SHISA6: variants seen among roughly 807,000 people sequenced by gnomAD.
SHISA6 encodes shisa family member 6.
SHISA6 carries 22 observed loss-of-function variants against 47.9 expected under a neutral mutation model. The ratio of observed to expected loss-of-function variants is 0.46; its 90% CI spans 0.33 to 0.66. The LOEUF is 0.66. Ranked by LOEUF, SHISA6 falls within the 30% of genes least tolerant of loss-of-function variation. The probability of loss-of-function intolerance (pLI) is 0.02; values close to 1 mark genes in which losing one functional copy is unlikely to be tolerated. For synonymous variants in SHISA6, 388 were observed against 337.8 expected (o/e 1.15, Z -1.63); for missense variants, 680 against 764.6 (o/e 0.89, Z 1.30).
intron 1 of SHISA6, among the ~76,000 whole-genome samples, chr17:11,255,338 G>T (rs1269666750): frequency 6.6e-6 from 1 of 152,078 alleles, no homozygotes; most frequent in African/African-American, 2.4e-5. Flanking sequence ...AAGGGAGGAG[G>T]GAGGAAAGAA....
At chr17:11,312,675 A>G (rs1411058801) in intron 2 of SHISA6, among the ~76,000 whole-genome samples, 1 of 152,200 alleles carries the variant, frequency 6.6e-6, no homozygotes, top group Non-Finnish European at 1.5e-5. Context: ...GTAATATCAT[A>G]GATGTCCTCC....
At chr17:11,324,456 A>G (rs1053005440) in intron 2 of SHISA6, among the ~76,000 whole-genome samples, 13 of 152,174 alleles carry the variant, frequency 8.5e-5, no homozygotes, top group African/African-American at 3.1e-4. Context: ...GTCAAAACAG[A>G]CAGGGCCCCT....
Position 11,309,793 on chromosome 17 carries a change from C to T in SHISA6, c.799+46267C>T, listed in dbSNP as rs139208499. Reference sequence around the variant, plus strand: ...GCTTGTTTCTCTTTTAAGGTTCTTCCTGTACAGAGAGATTTCTGTGCTTTA... The same window carrying T: ...GCTTGTTTCTCTTTTAAGGTTCTTCTTGTACAGAGAGATTTCTGTGCTTTA... On this transcript the variant is annotated intron_variant, in intron 2 of 5. Coordinates refer to ENST00000441885, the MANE Select transcript of SHISA6 (RefSeq NM_207386.4). 1.2e-4 allele frequency among the ~76,000 whole-genome samples: 19 copies of T among 152,346 alleles called. 1 individual carries two copies. In the East Asian group the frequency reaches 3.7e-3, roughly 29 times the overall value.
At chr17:11,543,910 C>CAAAAAAAAAAAAAA (rs200573876) in intron 3 of SHISA6, among the ~76,000 whole-genome samples, 4 of 96,390 alleles carry the variant, frequency 4.1e-5, no homozygotes, top group African/African-American at 1.1e-4. Flanking sequence ...TATTTATAAG[C>CAAAAAAAAAAAAAA]AAAAAAAAAA....
chr17:11,271,101 C>A, intron 2 of SHISA6, among the ~76,000 whole-genome samples: 2 of 150,928 alleles, frequency 1.3e-5, no homozygotes, highest in Middle Eastern at 3.4e-3. Flanking sequence ...AGAGAAGAGG[C>A]GGGAAGGGTG....
intron 3 of SHISA6, among the ~76,000 whole-genome samples, chr17:11,421,301 G>A (rs547183707): frequency 2.0e-5 from 3 of 152,302 alleles, no homozygotes; most frequent in Non-Finnish European, 2.9e-5. Flanking sequence ...GACAAATCCT[G>A]CAGATTCAGC....
In SHISA6 at chr17:11,300,269, G is replaced by A. The variant is rs186887581; in HGVS notation, c.799+36743G>A. Among the ~76,000 whole-genome samples, 246 of 152,188 alleles carry A rather than the reference G, an allele frequency of 1.6e-3. 1 individual carries two copies. The highest frequency in any genetic ancestry group is 5.7e-3 in the African/African-American group (236 of 41,536). On this transcript the variant is annotated intron_variant, in intron 2 of 5. Coordinates refer to ENST00000441885, the MANE Select transcript of SHISA6 (RefSeq NM_207386.4). Reference sequence around the variant, plus strand: ...CATTTTTCTGTTTACCACAATACCCGAAGCATGAGTTCCCAACCAGTGTAG... The same window carrying A: ...CATTTTTCTGTTTACCACAATACCCAAAGCATGAGTTCCCAACCAGTGTAG...
chr17:11,324,840 C>T (rs181470902), intron 2 of SHISA6, among the ~76,000 whole-genome samples: 1 of 152,246 alleles, frequency 6.6e-6, no homozygotes, highest in East Asian at 1.9e-4. Flanking sequence ...AGCTGAAACT[C>T]ACAGAGCGGT....
Position 11,242,072 on chromosome 17 carries a change from G to C in SHISA6, c.638+12G>C. 2.6e-6 allele frequency: 4 copies of C among 1,549,218 alleles called. No individual in the cohort carries two copies. Among genetic ancestry groups the C allele is most frequent in the Non-Finnish European group, 3.5e-6 (4 of 1,146,976 alleles). ...ATGAACATCCACAGGTGAGAGCGCC[G>C]CGTGCCGCGCGCCCCGGTCTCCCCG... On this transcript the variant is annotated intron_variant, in intron 1 of 5. Coordinates refer to ENST00000441885, the MANE Select transcript of SHISA6 (RefSeq NM_207386.4).
At chr17:11,296,971 A>T (rs1411271065) in intron 2 of SHISA6, among the ~76,000 whole-genome samples, 1 of 152,174 alleles carries the variant, frequency 6.6e-6, no homozygotes, top group Non-Finnish European at 1.5e-5. Flanking sequence ...ATGGAAGTCA[A>T]CCGCAACCTC....
At position 11,544,512 on chromosome 17, in the gene SHISA6, T is replaced by C. The variant is rs1313190363; in HGVS notation, c.896-7384T>C. ...AAAACCACAATGAGATATCGCTACA[T>C]ACCTAAGGTATAAATAGCTAAAATT... On this transcript the variant is annotated intron_variant, in intron 3 of 5. Transcript: ENST00000441885. Among the ~76,000 whole-genome samples, 5 of 152,078 alleles carry C rather than the reference T, an allele frequency of 3.3e-5. No homozygotes were observed. In the East Asian group the frequency reaches 9.6e-4, roughly 29 times the overall value.
intron 2 of SHISA6, among the ~76,000 whole-genome samples, chr17:11,331,794 CCT>C (rs1911126182): frequency 6.6e-6 from 1 of 151,918 alleles, no homozygotes. Flanking sequence ...TTTGCATCTC[CCT>C]CTCTTTCCAG....
intron 3 of SHISA6, among the ~76,000 whole-genome samples, chr17:11,481,140 G>A (rs1358759582): frequency 6.6e-6 from 1 of 151,970 alleles, no homozygotes; most frequent in Non-Finnish European, 1.5e-5. Flanking sequence ...TCAGCCAGGT[G>A]TGGTGGCATG....
At chr17:11,410,076 T>C (rs1215584396) in intron 3 of SHISA6, among the ~76,000 whole-genome samples, 1 of 152,232 alleles carries the variant, frequency 6.6e-6, no homozygotes, top group Non-Finnish European at 1.5e-5. Flanking sequence ...CCACAAGTTG[T>C]GAGTCCAGAT....
At chr17:11,266,637 T>C (rs546477632) in intron 2 of SHISA6, among the ~76,000 whole-genome samples, 39 of 152,326 alleles carry the variant, frequency 2.6e-4, no homozygotes, top group African/African-American at 9.1e-4. Context: ...GTAAAGCACT[T>C]AAGACAGGTC....
chr17:11,337,712 C>G (rs1460925403), intron 2 of SHISA6, among the ~76,000 whole-genome samples: 1 of 152,150 alleles, frequency 6.6e-6, no homozygotes, highest in African/African-American at 2.4e-5. Flanking sequence ...TTCTCATGAC[C>G]TGGCTCTAGG....
At chr17:11,391,172 T>C (rs1597489827) in intron 3 of SHISA6, among the ~76,000 whole-genome samples, 1 of 151,890 alleles carries the variant, frequency 6.6e-6, no homozygotes. Context: ...AAGTCACCTG[T>C]AGAGGGTAGA....
intron 2 of SHISA6, among the ~76,000 whole-genome samples, chr17:11,341,756 C>A (rs1911538436): frequency 6.6e-6 from 1 of 152,126 alleles, no homozygotes; most frequent in Non-Finnish European, 1.5e-5. Flanking sequence ...TTGCCCACCA[C>A]CCTGCCAACA....
intron 3 of SHISA6, among the ~76,000 whole-genome samples, chr17:11,497,855 T>C (rs1476865469): frequency 6.6e-6 from 1 of 152,150 alleles, no homozygotes; most frequent in African/African-American, 2.4e-5. Context: ...TGCAGAGCAC[T>C]CCATTTGAGT....
Sources: allele counts gnomAD v4.1 joint callset (sites outside exome capture counted in the v4.1 genomes callset), GRCh38; gene constraint gnomAD v4.1.1; transcripts MANE v1.5; gene names NCBI Gene and HGNC (gene_info 2026-07-23, HGNC 2026-07-21).